TCERG1L: variants seen among roughly 807,000 people sequenced by gnomAD.
The protein encoded by TCERG1L is transcription elongation regulator 1-like protein.
In TCERG1L, 37 loss-of-function variants were observed where a neutral mutation model predicts 56.3. The ratio of observed to expected loss-of-function variants is 0.66; its 90% CI spans 0.51 to 0.87. The LOEUF (loss-of-function observed/expected upper bound fraction) is 0.87. Among genes scored for constraint, TCERG1L ranks in the 40% least tolerant of loss-of-function variants. The probability of loss-of-function intolerance (pLI) is 0.00; values close to 1 mark genes in which losing one functional copy is unlikely to be tolerated. For synonymous variants in TCERG1L, 324 were observed against 326.3 expected, an observed-to-expected ratio of 0.99 and a Z score of 0.08; for missense variants, 799 against 774.2, an observed-to-expected ratio of 1.03 and a Z score of -0.38.
chr10:131,281,520 G>T (rs1053947292), intron 3 of TCERG1L, among the ~76,000 whole-genome samples: 6 of 152,168 alleles, frequency 3.9e-5, no homozygotes, highest in African/African-American at 1.4e-4. Context: ...GATGCAGGAA[G>T]GAAAAGGAAA....
intron 10 of TCERG1L, among the ~76,000 whole-genome samples, chr10:131,100,854 C>T (rs1845297960): frequency 6.6e-6 from 1 of 152,178 alleles, no homozygotes; most frequent in Non-Finnish European, 1.5e-5. Context: ...GATTTCTTTC[C>T]ATCCCATTCC....
intron 8 of TCERG1L, among the ~76,000 whole-genome samples, chr10:131,133,378 C>T (rs965836392): frequency 2.0e-5 from 3 of 152,190 alleles, no homozygotes; most frequent in South Asian, 4.1e-4. Flanking sequence ...AGATTCCTGA[C>T]CACTTCATTT....
chr10:131,163,254 A>C, intron 5 of TCERG1L, 44 bp from the exon 6 acceptor site: 1 of 1,402,544 alleles, frequency 7.1e-7, no homozygotes, highest in Non-Finnish European at 9.5e-7. Context: ...AATTTTAAAC[A>C]CTCATCTTCA....
At chr10:131,234,559 G>A (rs1345671051) in intron 4 of TCERG1L, among the ~76,000 whole-genome samples, 1 of 152,164 alleles carries the variant, frequency 6.6e-6, no homozygotes, top group African/African-American at 2.4e-5. Flanking sequence ...TTAGCCCACA[G>A]CTTACATCAC....
chr10:131,229,611 G>A (rs1256991311), intron 4 of TCERG1L, among the ~76,000 whole-genome samples: 1 of 151,990 alleles, frequency 6.6e-6, no homozygotes, highest in Admixed American at 6.6e-5. Context: ...GATTCTAGGA[G>A]GTAGATGAAA....
At chr10:131,143,194 C>T (rs1211150084) in intron 7 of TCERG1L, among the ~76,000 whole-genome samples, 1 of 152,190 alleles carries the variant, frequency 6.6e-6, no homozygotes, top group African/African-American at 2.4e-5. Context: ...ATGCTGATGG[C>T]ACCTACTGCA....
At chr10:131,167,838 C>T (rs2133437117) in intron 4 of TCERG1L, among the ~76,000 whole-genome samples, 1 of 152,334 alleles carries the variant, frequency 6.6e-6, no homozygotes, top group Middle Eastern at 3.4e-3. Flanking sequence ...CCAAAAATGT[C>T]TATCTAACTC....
At chr10:131,222,709 C>T (rs1016571683) in intron 4 of TCERG1L, among the ~76,000 whole-genome samples, 8 of 152,208 alleles carry the variant, frequency 5.3e-5, no homozygotes, top group African/African-American at 1.4e-4. Flanking sequence ...TAAGCAGTCA[C>T]GGCAACAGCC....
At chr10:131,268,152 T>C (rs1846305233) in intron 3 of TCERG1L, among the ~76,000 whole-genome samples, 1 of 152,154 alleles carries the variant, frequency 6.6e-6, no homozygotes, top group African/African-American at 2.4e-5. Flanking sequence ...AGGGCTGGGC[T>C]CCTGCCTGCT....
At chr10:131,290,684 CTTTT>C (rs1846606648) in intron 3 of TCERG1L, among the ~76,000 whole-genome samples, 2 of 147,556 alleles carry the variant, frequency 1.4e-5, no homozygotes, top group South Asian at 4.4e-4. Flanking sequence ...ACAGCATTTT[CTTTT>C]GTCACTGTAA....
chr10:131,288,306 C>G (rs1003150568), intron 3 of TCERG1L, among the ~76,000 whole-genome samples: 4 of 152,214 alleles, frequency 2.6e-5, no homozygotes, highest in African/African-American at 4.8e-5. Flanking sequence ...GCACCCAACC[C>G]GGTTTGAGAA....
At chr10:131,232,356 G>A (rs545316596) in intron 4 of TCERG1L, among the ~76,000 whole-genome samples, 42 of 152,344 alleles carry the variant, frequency 2.8e-4, no homozygotes, top group African/African-American at 9.9e-4. Flanking sequence ...AGTGGCACAC[G>A]CCGGGGCACT....
intron 1 of TCERG1L, among the ~76,000 whole-genome samples, chr10:131,309,741 A>C (rs187783824): frequency 6.9e-4 from 105 of 151,848 alleles, no homozygotes; most frequent in African/African-American, 2.4e-3. Context: ...GTCGTTTTAC[A>C]AATAACTAAT....
Position 131,116,931 on chromosome 10 carries a change from G to C in TCERG1L, c.1263C>G (p.Thr421=), listed in dbSNP as rs750898191. Reference sequence around the variant, plus strand: ...CTGGCTTGGGACTCCCGCAGCCTTCGGTCCTTCAGGAACACAAGACGCAGA... The same window carrying C: ...CTGGCTTGGGACTCCCGCAGCCTTCCGTCCTTCAGGAACACAAGACGCAGA... ...DQDVKTKRNR[T]EGCGSPKPEE... Residue 421 remains threonine, a synonymous_variant, in exon 9 of 12, where the codon ACC becomes ACG. Transcript: ENST00000368642. 3 of 1,608,024 alleles carry C rather than the reference G, an allele frequency of 1.9e-6. No individual in the cohort carries two copies. Among genetic ancestry groups the C allele is most frequent in the Non-Finnish European group, 2.5e-6 (3 of 1,177,738 alleles).
chr10:131,310,727 T>A (rs890017892), intron 1 of TCERG1L, among the ~76,000 whole-genome samples: 5 of 152,152 alleles, frequency 3.3e-5, no homozygotes, highest in Admixed American at 1.3e-4. Context: ...GGCAGGGGAA[T>A]CTCCGGTAAC....
intron 2 of TCERG1L, among the ~76,000 whole-genome samples, chr10:131,308,699 A>G (rs1295461943): frequency 6.6e-6 from 1 of 152,242 alleles, no homozygotes; most frequent in Admixed American, 6.5e-5. Context: ...ACAAGTCAAT[A>G]CTTTACTTCT....
intron 3 of TCERG1L, among the ~76,000 whole-genome samples, chr10:131,293,772 CTCTT>C (rs1054715204): frequency 5.3e-5 from 8 of 152,156 alleles, no homozygotes; most frequent in African/African-American, 1.9e-4. Context: ...TGTTTCTTTC[CTCTT>C]TCTTTAACTC....
chr10:131,241,062 TC>T (rs1307561001), intron 4 of TCERG1L, among the ~76,000 whole-genome samples: 2 of 151,876 alleles, frequency 1.3e-5, no homozygotes, highest in Non-Finnish European at 2.9e-5. Flanking sequence ...AAGATTGAGA[TC>T]ATCAGAGAGA....
At chr10:131,213,509 C>T (rs928313122) in intron 4 of TCERG1L, among the ~76,000 whole-genome samples, 1 of 152,222 alleles carries the variant, frequency 6.6e-6, no homozygotes, top group African/African-American at 2.4e-5. Flanking sequence ...TCAAGACACC[C>T]CACAGCCTCC....
Sources: allele counts gnomAD v4.1 joint callset (sites outside exome capture counted in the v4.1 genomes callset), GRCh38; gene constraint gnomAD v4.1.1; transcripts MANE v1.5; gene names NCBI Gene and HGNC (gene_info 2026-07-23, HGNC 2026-07-21).